The following TTC17 variants were observed in gnomAD, a reference collection of about 807,000 sequenced individuals.
TTC17 encodes the protein tetratricopeptide repeat domain 17.
Under a neutral mutation model 143.8 loss-of-function variants are expected in TTC17, and 58 were observed. The ratio of observed to expected loss-of-function variants is 0.40; its 90% CI spans 0.33 to 0.50. The LOEUF (loss-of-function observed/expected upper bound fraction) is 0.50, where lower values mean the gene tolerates loss of function less well. Among genes scored for constraint, TTC17 ranks in the 20% least tolerant of loss-of-function variants. TTC17 has a pLI of 0.49. For synonymous variants in TTC17, 501 were observed against 497.8 expected, an observed-to-expected ratio of 1.01 and a Z score of -0.09; for missense variants, 1,273 against 1,392.5, an observed-to-expected ratio of 0.91 and a Z score of 1.37.
At chr11:43,367,789 G>T (rs1000675832) in intron 1 of TTC17, among the ~76,000 whole-genome samples, 1 of 151,804 alleles carries the variant, frequency 6.6e-6, no homozygotes, top group Non-Finnish European at 1.5e-5. Context: ...ATCTGTGCTC[G>T]TGGAGTCTCC....
chr11:43,398,750 T>G (rs1857722568), intron 8 of TTC17, among the ~76,000 whole-genome samples: 2 of 152,238 alleles, frequency 1.3e-5, no homozygotes, highest in Non-Finnish European at 2.9e-5. Context: ...ATTTTTCATA[T>G]CTCAGAATTA....
chr11:43,489,199 A>G (rs758674032), intron 21 of TTC17, among the ~76,000 whole-genome samples: 1 of 152,230 alleles, frequency 6.6e-6, no homozygotes, highest in Non-Finnish European at 1.5e-5. Flanking sequence ...CTTTTTACCA[A>G]CAGACAAGAC....
chr11:43,381,970 A>T (rs1453938184), intron 2 of TTC17, among the ~76,000 whole-genome samples: 1 of 152,202 alleles, frequency 6.6e-6, no homozygotes, highest in African/African-American at 2.4e-5. Flanking sequence ...AATGGATGTC[A>T]CGTGGGCAGT....
In TTC17 at chr11:43,414,588, A is replaced by T; in HGVS notation, c.2065-2A>T. ...ATTTTGCCGATTTTTTTTTCTTTTC[A>T]GCCTCTGACCTTTTTGAGCCTGGGA... is the stretch of plus-strand genomic sequence containing the variant. On this transcript the variant is annotated splice_acceptor_variant, in intron 15 of 23. Coordinates refer to ENST00000039989, the MANE Select transcript of TTC17 (RefSeq NM_018259.6). LOFTEE classifies it high-confidence loss of function. 6.3e-7 allele frequency: 1 copy of T among 1,579,904 alleles called. No homozygotes were observed. Among genetic ancestry groups the T allele is most frequent in the Admixed American group, 2.0e-5 (1 of 50,308 alleles).
At chr11:43,451,638 TTGAAATGTCTTTTCTCTTGAAATCA>T (rs1260110438) in intron 21 of TTC17, among the ~76,000 whole-genome samples, 1 of 152,204 alleles carries the variant, frequency 6.6e-6, no homozygotes, top group Non-Finnish European at 1.5e-5. Flanking sequence ...GAAACACACT[TTGAAATGTCTTTTCTCTTGAAATCA>T]TGAAACAAAA....
intron 18 of TTC17, chr11:43,446,166 G>A: frequency 7.6e-7 from 1 of 1,318,886 alleles, no homozygotes. Flanking sequence ...CCATGCTCAT[G>A]TTTTTACCTC....
chr11:43,388,504 A>G (rs1394242585), intron 2 of TTC17, among the ~76,000 whole-genome samples: 2 of 151,934 alleles, frequency 1.3e-5, no homozygotes, highest in African/African-American at 2.4e-5. Flanking sequence ...TTTAGAAGAC[A>G]TTAAAGAATA....
chr11:43,484,003 G>A (rs1436926745), intron 21 of TTC17, among the ~76,000 whole-genome samples: 5 of 152,138 alleles, frequency 3.3e-5, no homozygotes, highest in African/African-American at 4.8e-5. Context: ...TTAGCCAGGC[G>A]TGGTGGTGCA....
At chr11:43,476,198 A>G (rs1200552765) in intron 21 of TTC17, among the ~76,000 whole-genome samples, 1 of 152,202 alleles carries the variant, frequency 6.6e-6, no homozygotes, top group Non-Finnish European at 1.5e-5. Flanking sequence ...CAAGTATTTG[A>G]ACCAGTATTC....
intron 21 of TTC17, among the ~76,000 whole-genome samples, chr11:43,460,546 G>A (rs1335872538): frequency 6.6e-6 from 1 of 152,148 alleles, no homozygotes; most frequent in Non-Finnish European, 1.5e-5. Flanking sequence ...GCAATGCCCT[G>A]TTTAAATACC....
intron 16 of TTC17, among the ~76,000 whole-genome samples, chr11:43,430,632 C>A (rs1047604138): frequency 2.0e-5 from 3 of 151,178 alleles, no homozygotes; most frequent in African/African-American, 7.3e-5. Flanking sequence ...GGAGTTTGAT[C>A]TGAATTAATC....
Position 43,414,733 on chromosome 11 carries a change from G to C in TTC17, c.2208G>C (p.Gln736His). The change falls in exon 16 of 24, where the codon CAG becomes CAC. Residue 736 changes from glutamine (Q) to histidine (H), a missense_variant. Transcript: ENST00000039989. ...ENSLKLIRCMQFYPFLYNITS... is the reference protein window; with the variant it reads ...ENSLKLIRCMHFYPFLYNITS... ...GCCTGAAGTTGATCCGCTGTATGCA[G>C]TTTTATCCTTTTCTGTACAACATCA... 1 of 1,613,580 alleles carries C rather than the reference G, an allele frequency of 6.2e-7. No individual in the cohort carries two copies.
Position 43,490,231 on chromosome 11 carries a change from C to T in TTC17, c.3031-8C>T, listed in dbSNP as rs73530680. The T allele has an allele frequency of 3.2e-4, 517 of 1,600,724 alleles. 2 individuals are homozygous for T. In the African/African-American group the frequency reaches 6.4e-3, roughly 20 times the overall value. ...AGGACACCAGCCTTGGCTAACATTC[C>T]TTTGCAGAACCAGACGTCCTGGGTC... On this transcript the variant is annotated splice_polypyrimidine_tract_variant and splice_region_variant and intron_variant, in intron 21 of 23. Transcript: ENST00000039989.
chr11:43,440,259 AC>A (rs11359768), intron 16 of TTC17, among the ~76,000 whole-genome samples: 152,312 of 152,312 alleles, frequency 1, 76,156 homozygotes, highest in Non-Finnish European at 1. Flanking sequence ...GGTTGTTACA[AC>A]CCCAGCCCTC....
At chr11:43,375,008 T>C (rs1465797223) in intron 1 of TTC17, among the ~76,000 whole-genome samples, 1 of 152,196 alleles carries the variant, frequency 6.6e-6, no homozygotes, top group Non-Finnish European at 1.5e-5. Context: ...ATCAATACTT[T>C]CTGTATTATA....
chr11:43,436,758 G>A (rs1437658340), intron 16 of TTC17, among the ~76,000 whole-genome samples: 1 of 152,112 alleles, frequency 6.6e-6, no homozygotes, highest in Admixed American at 6.5e-5. Context: ...TATCAGAATT[G>A]CCAAAACGCA....
chr11:43,491,882 C>T (rs1948479791), intron 22 of TTC17, 138 bp from the exon 23 acceptor site: 2 of 1,093,142 alleles, frequency 1.8e-6, no homozygotes, highest in Non-Finnish European at 2.6e-6. Flanking sequence ...CAGTAGCAAA[C>T]AGCACAAAAG....
At chr11:43,420,604 C>A (rs942643245) in intron 16 of TTC17, among the ~76,000 whole-genome samples, 2 of 151,990 alleles carry the variant, frequency 1.3e-5, no homozygotes, top group African/African-American at 4.8e-5. Context: ...CAGTATTTTT[C>A]TTTTGGGATT....
intron 5 of TTC17, chr11:43,395,222 TC>T (rs1857537875): frequency 6.6e-6 from 1 of 150,922 alleles, no homozygotes; most frequent in African/African-American, 2.4e-5. Flanking sequence ...TGCCTCAGCC[TC>T]CCGAGTAGCT....
Sources: gnomAD v4.1 joint callset for allele counts (sites outside exome capture counted in the v4.1 genomes callset) on GRCh38, gnomAD v4.1.1 for gene constraint, MANE v1.5 for transcripts, NCBI Gene and HGNC (gene_info 2026-07-23, HGNC 2026-07-21) for gene names.